EXOC4: variants seen among roughly 807,000 people sequenced by gnomAD.
EXOC4 encodes the protein exocyst complex component 4.
A neutral mutation model predicts 107.2 loss-of-function variants in EXOC4; 71 were observed. The observed-to-expected ratio is 0.66, with a 90% confidence interval of 0.55 to 0.81. The LOEUF is 0.81. EXOC4 is among the 30% of genes least tolerant of loss of function. The pLI, the probability that EXOC4 is intolerant of heterozygous loss-of-function variation, is 0.00. For missense variants in EXOC4, 1,108 were observed against 1,189.6 expected, an observed-to-expected ratio of 0.93 and a Z score of 1.01; for synonymous variants, 456 against 441.2, an observed-to-expected ratio of 1.03 and a Z score of -0.42.
intron 9 of EXOC4, among the ~76,000 whole-genome samples, chr7:133,522,397 A>G (rs943229928): frequency 1.3e-5 from 2 of 152,290 alleles, no homozygotes; most frequent in Non-Finnish European, 1.5e-5. Flanking sequence ...GTGATCAAAT[A>G]CAAATGCTCC....
At chr7:133,464,129 G>A (rs924590864) in intron 7 of EXOC4, among the ~76,000 whole-genome samples, 6 of 152,040 alleles carry the variant, frequency 3.9e-5, no homozygotes, top group Non-Finnish European at 7.4e-5. Context: ...TTTTGTATGC[G>A]TTATTAAAAA....
At chr7:133,423,758 G>A (rs1269358131) in intron 7 of EXOC4, among the ~76,000 whole-genome samples, 3 of 152,120 alleles carry the variant, frequency 2.0e-5, no homozygotes, top group Non-Finnish European at 1.5e-5. Flanking sequence ...GGAGAGGCGC[G>A]GGTAGGGGCC....
Position 133,409,420 on chromosome 7 carries a change from CAT to C in EXOC4, c.1182+34419_1182+34420del, listed in dbSNP as rs1248940619. ...CCACCCTCCATCTTCTCAAAGCAAT[CAT>C]GTGAAGTATCACCAGCTATGAGAGA... On this transcript the variant is annotated intron_variant, in intron 7 of 17. Transcript: ENST00000253861. 2.0e-5 allele frequency among the ~76,000 whole-genome samples: 3 copies of C among 152,294 alleles called. No homozygotes were observed. The East Asian group carries it at 5.8e-4, about 29-fold the overall frequency.
chr7:133,665,711 T>A (rs1274626351), intron 10 of EXOC4, among the ~76,000 whole-genome samples: 4 of 152,196 alleles, frequency 2.6e-5, no homozygotes, highest in African/African-American at 9.6e-5. Flanking sequence ...CTGGATGATC[T>A]ACAAAAATAT....
chr7:133,630,278 T>TA (rs2151015087), intron 10 of EXOC4, 137 bp downstream of exon 10: 1 of 627,902 alleles, frequency 1.6e-6, no homozygotes, highest in African/African-American at 1.8e-5. Flanking sequence ...GCCTCACTAT[T>TA]AAAGTTAGTC....
chr7:133,685,552 C>T (rs1794279436), intron 10 of EXOC4, among the ~76,000 whole-genome samples: 1 of 151,784 alleles, frequency 6.6e-6, no homozygotes, highest in Non-Finnish European at 1.5e-5. Flanking sequence ...CAGTTAGTTC[C>T]CAATAACTTT....
intron 7 of EXOC4, among the ~76,000 whole-genome samples, chr7:133,464,440 C>T (rs571037543): frequency 3.3e-5 from 5 of 152,268 alleles, no homozygotes; most frequent in Admixed American, 1.3e-4. Context: ...ACATGAATTT[C>T]TATTTTAAAG....
intron 7 of EXOC4, among the ~76,000 whole-genome samples, chr7:133,439,027 T>C (rs1798040245): frequency 6.6e-6 from 1 of 152,124 alleles, no homozygotes; most frequent in African/African-American, 2.4e-5. Flanking sequence ...TGTTTGCCTA[T>C]GTATGTATAT....
At chr7:133,554,718 T>A (rs1244710763) in intron 9 of EXOC4, among the ~76,000 whole-genome samples, 2 of 152,138 alleles carry the variant, frequency 1.3e-5, no homozygotes, top group Non-Finnish European at 2.9e-5. Flanking sequence ...ACCTTTCCTA[T>A]CCCAGTAGCT....
At chr7:133,595,366 A>G (rs191285795) in intron 9 of EXOC4, among the ~76,000 whole-genome samples, 29 of 152,318 alleles carry the variant, frequency 1.9e-4, no homozygotes, top group Middle Eastern at 3.4e-3. Flanking sequence ...GTCCCTTGCT[A>G]TGAGATCTTT....
intron 10 of EXOC4, among the ~76,000 whole-genome samples, chr7:133,812,176 A>G (rs1427328145): frequency 6.6e-6 from 1 of 152,162 alleles, no homozygotes; most frequent in Non-Finnish European, 1.5e-5. Context: ...AATATTTCAC[A>G]CTTTCCTCTA....
chr7:133,627,895 A>G (rs1264436292), intron 9 of EXOC4, among the ~76,000 whole-genome samples: 1 of 152,196 alleles, frequency 6.6e-6, no homozygotes, highest in Non-Finnish European at 1.5e-5. Flanking sequence ...ACTGATCCAA[A>G]TGTCTAGACT....
chr7:133,379,450 G>C (rs1796564772), intron 7 of EXOC4, among the ~76,000 whole-genome samples: 1 of 151,904 alleles, frequency 6.6e-6, no homozygotes, highest in Admixed American at 6.6e-5. Context: ...TATGAGAATG[G>C]AAAGAGATAA....
chr7:133,263,374 CT>C (rs920302686), intron 1 of EXOC4, among the ~76,000 whole-genome samples: 2,526 of 84,060 alleles, frequency 0.03, 7 homozygotes, highest in Non-Finnish European at 0.034. Flanking sequence ...AAAAAGCATT[CT>C]TTTTTTTTTT....
intron 7 of EXOC4, among the ~76,000 whole-genome samples, chr7:133,465,109 T>C (rs1289408162): frequency 6.6e-6 from 1 of 152,176 alleles, no homozygotes; most frequent in East Asian, 1.9e-4. Context: ...CATGTGCCAC[T>C]GCACCCAGCC....
intron 7 of EXOC4, among the ~76,000 whole-genome samples, chr7:133,459,910 AT>A (rs1798550176): frequency 6.6e-6 from 1 of 152,234 alleles, no homozygotes; most frequent in Non-Finnish European, 1.5e-5. Flanking sequence ...TTTTATGAGT[AT>A]ATATTGCTTT....
chr7:133,340,119 C>T (rs1795623262), intron 5 of EXOC4, among the ~76,000 whole-genome samples: 1 of 152,050 alleles, frequency 6.6e-6, no homozygotes, highest in South Asian at 2.1e-4. Flanking sequence ...CAACTTTTTC[C>T]CATTCAGAAT....
intron 6 of EXOC4, among the ~76,000 whole-genome samples, chr7:133,357,159 A>T (rs1205681012): frequency 6.6e-6 from 1 of 152,212 alleles, no homozygotes; most frequent in Non-Finnish European, 1.5e-5. Context: ...TTAAAGAATA[A>T]ATTGAATCAA....
At chr7:133,731,783 A>C (rs1356134065) in intron 10 of EXOC4, among the ~76,000 whole-genome samples, 2 of 152,292 alleles carry the variant, frequency 1.3e-5, no homozygotes, top group Non-Finnish European at 1.5e-5. Context: ...TAATTATATC[A>C]AAGTATTCTG....
Sources: allele counts gnomAD v4.1 joint callset (sites outside exome capture counted in the v4.1 genomes callset), GRCh38; gene constraint gnomAD v4.1.1; transcripts MANE v1.5; gene names NCBI Gene and HGNC (gene_info 2026-07-23, HGNC 2026-07-21).